Variants in AGBL4 observed in about 807,000 individuals in gnomAD.
AGBL4 encodes the protein cytosolic carboxypeptidase 6.
AGBL4 carries 58 observed loss-of-function variants against 66.4 expected under a neutral mutation model. That is an observed-to-expected ratio of 0.87 (90% confidence interval 0.71 to 1.09). The LOEUF is 1.09. AGBL4 is among the 50% of genes least tolerant of loss of function. The probability of loss-of-function intolerance (pLI) is 0.00; values close to 1 mark genes in which losing one functional copy is unlikely to be tolerated. For synonymous variants in AGBL4, 234 were observed against 222.9 expected, an observed-to-expected ratio of 1.05 and a Z score of -0.44; for missense variants, 579 against 631.0, an observed-to-expected ratio of 0.92 and a Z score of 0.88.
chr1:49,813,793 G>A (rs554930253), intron 2 of AGBL4, among the ~76,000 whole-genome samples: 69 of 152,176 alleles, frequency 4.5e-4, no homozygotes, highest in African/African-American at 1.5e-3. Flanking sequence ...ACAGAGATAC[G>A]GAATATGGAA....
chr1:49,241,834 G>A (rs1471413205), intron 4 of AGBL4, among the ~76,000 whole-genome samples: 5 of 151,956 alleles, frequency 3.3e-5, no homozygotes, highest in Admixed American at 1.3e-4. Context: ...TACACATTCA[G>A]TTCACATTTG....
chr1:48,910,251 C>T (rs1424402735), intron 5 of AGBL4, among the ~76,000 whole-genome samples: 1 of 152,208 alleles, frequency 6.6e-6, no homozygotes, highest in Non-Finnish European at 1.5e-5. Context: ...GTGAATATCA[C>T]TGTTCTCACT....
At chr1:49,423,312 G>T (rs1645585075) in intron 3 of AGBL4, among the ~76,000 whole-genome samples, 1 of 152,140 alleles carries the variant, frequency 6.6e-6, no homozygotes, top group South Asian at 2.1e-4. Context: ...ACAATATTTA[G>T]CAGGATGCTG....
chr1:49,959,931 C>T (rs1448619329), intron 1 of AGBL4, among the ~76,000 whole-genome samples: 1 of 151,956 alleles, frequency 6.6e-6, no homozygotes, highest in Non-Finnish European at 1.5e-5. Flanking sequence ...AAACCAAACA[C>T]TGTATGTTCT....
At chr1:49,745,286 T>G (rs1003140542) in intron 2 of AGBL4, among the ~76,000 whole-genome samples, 5 of 152,062 alleles carry the variant, frequency 3.3e-5, no homozygotes, top group Non-Finnish European at 5.9e-5. Context: ...TTACCTATGG[T>G]CAACCATGGT....
chr1:49,922,705 C>T (rs561952564), intron 1 of AGBL4, among the ~76,000 whole-genome samples: 37 of 152,276 alleles, frequency 2.4e-4, no homozygotes, highest in African/African-American at 8.7e-4. Context: ...AACAAACTCA[C>T]ATTAACAATT....
intron 11 of AGBL4, among the ~76,000 whole-genome samples, chr1:48,559,789 G>C (rs946568379): frequency 2.0e-5 from 3 of 151,688 alleles, no homozygotes; most frequent in Non-Finnish European, 2.9e-5. Flanking sequence ...CCCAGTCTCT[G>C]CCCCCTCCCC....
At position 49,940,808 on chromosome 1, in the gene AGBL4, A is replaced by T. The variant is rs575604749; in HGVS notation, c.34+82955T>A. On this transcript the variant is annotated intron_variant, in intron 1 of 13. Transcript: ENST00000371839. Reference sequence around the variant, plus strand: ...ATGGCACATGTATACATATGTAACTAACCTGCACATTGTGCACATGTACCC... The same window carrying T: ...ATGGCACATGTATACATATGTAACTTACCTGCACATTGTGCACATGTACCC... Among the ~76,000 whole-genome samples the T allele has an allele frequency of 4.0e-3, 611 of 152,204 alleles. 1 individual carries two copies. Among genetic ancestry groups the T allele is most frequent in the Non-Finnish European group, 7.0e-3 (475 of 68,004 alleles).
At chr1:49,940,824 A>G (rs1433714708) in intron 1 of AGBL4, among the ~76,000 whole-genome samples, 6 of 152,162 alleles carry the variant, frequency 3.9e-5, no homozygotes. Context: ...CACATTGTGC[A>G]CATGTACCCT....
intron 3 of AGBL4, among the ~76,000 whole-genome samples, chr1:49,302,965 C>G (rs538772799): frequency 2.1e-4 from 32 of 152,034 alleles, no homozygotes; most frequent in Admixed American, 5.9e-4. Flanking sequence ...GTTTCCAGTT[C>G]CATCCATGTC....
intron 6 of AGBL4, among the ~76,000 whole-genome samples, chr1:48,806,876 T>C (rs1645936242): frequency 6.6e-6 from 1 of 152,186 alleles, no homozygotes; most frequent in Non-Finnish European, 1.5e-5. Context: ...GGTTACCATA[T>C]GAACTATTCC....
At chr1:48,597,558 G>C (rs574154023) in intron 9 of AGBL4, among the ~76,000 whole-genome samples, 1 of 152,074 alleles carries the variant, frequency 6.6e-6, no homozygotes, top group East Asian at 1.9e-4. Context: ...ATTCAGCCAG[G>C]TGTGGTGGCA....
chr1:48,947,058 C>T (rs895722025), intron 5 of AGBL4, among the ~76,000 whole-genome samples: 6 of 152,160 alleles, frequency 3.9e-5, no homozygotes, highest in Non-Finnish European at 8.8e-5. Flanking sequence ...TTTCTCTATC[C>T]CCAGAACATG....
At chr1:48,547,275 T>C (rs898193855) in intron 11 of AGBL4, among the ~76,000 whole-genome samples, 6 of 151,710 alleles carry the variant, frequency 4.0e-5, no homozygotes, top group African/African-American at 7.3e-5. Context: ...GCAGGCAGAG[T>C]AGCTAGGGAC....
At chr1:48,531,934 C>A (rs12088276), downstream of AGBL4, among the ~76,000 whole-genome samples, 7,326 of 152,214 alleles carry the variant, frequency 0.048, 187 homozygotes, top group Middle Eastern at 0.061. Flanking sequence ...CAGGTGCGTG[C>A]CACCACGCCT....
intron 3 of AGBL4, among the ~76,000 whole-genome samples, chr1:49,613,680 T>A (rs1342747713): frequency 6.6e-6 from 1 of 152,192 alleles, no homozygotes; most frequent in East Asian, 1.9e-4. Flanking sequence ...CACCCCCAGA[T>A]GGGACCATAT....
Position 49,529,225 on chromosome 1 carries a change from G to A in AGBL4, c.282+168088C>T, listed in dbSNP as rs190126425. Among the ~76,000 whole-genome samples the A allele has an allele frequency of 2.1e-4, 32 of 152,214 alleles. No individual in the cohort carries two copies. The East Asian group carries it at 6.0e-3, about 28-fold the overall frequency. On this transcript the variant is annotated intron_variant, in intron 3 of 13. Coordinates refer to ENST00000371839, the MANE Select transcript of AGBL4 (RefSeq NM_032785.4). ...GTGATAAATTTGAAGAGTAGGAAAT[G>A]TCTTTGAGAGATAATGGGGAATATA...
In AGBL4 at chr1:48,862,926, G is replaced by A. The variant is rs186729263; in HGVS notation, c.634+4265C>T. ...AAACAAGAATATATACAGATTAAGA[G>A]GGTTACCATGGACTCTCACTAAAAT... On this transcript the variant is annotated intron_variant, in intron 6 of 13. Coordinates refer to ENST00000371839, the MANE Select transcript of AGBL4 (RefSeq NM_032785.4). 9.9e-5 allele frequency among the ~76,000 whole-genome samples: 15 copies of A among 152,228 alleles called. No individual in the cohort carries two copies. The East Asian group carries it at 2.9e-3, about 29-fold the overall frequency.
At chr1:49,257,892 G>A (rs981589465) in intron 3 of AGBL4, among the ~76,000 whole-genome samples, 2 of 152,182 alleles carry the variant, frequency 1.3e-5, no homozygotes, top group Admixed American at 1.3e-4. Context: ...TCCCTGAGCA[G>A]CCTAACTGGG....
Sources: allele counts gnomAD v4.1 joint callset (sites outside exome capture counted in the v4.1 genomes callset), GRCh38; gene constraint gnomAD v4.1.1; transcripts MANE v1.5; gene names NCBI Gene and HGNC (gene_info 2026-07-23, HGNC 2026-07-21).